PLXDC1: variants seen among roughly 807,000 people sequenced by gnomAD.
PLXDC1 encodes plexin domain-containing protein 1.
Under a neutral mutation model 61.3 loss-of-function variants are expected in PLXDC1, and 39 were observed. The observed-to-expected ratio is 0.64, with a 90% CI of 0.49 to 0.83. The LOEUF (loss-of-function observed/expected upper bound fraction) is 0.83, where lower values mean the gene tolerates loss of function less well. Among genes scored for constraint, PLXDC1 ranks in the 40% least tolerant of loss-of-function variants. PLXDC1 has a pLI of 0.00. For missense variants in PLXDC1, 596 were observed against 666.5 expected, an observed-to-expected ratio of 0.89 and a Z score of 1.17; for synonymous variants, 212 against 254.5, an observed-to-expected ratio of 0.83 and a Z score of 1.59.
chr17:39,104,578 G>T (rs1189963949), intron 7 of PLXDC1, among the ~76,000 whole-genome samples: 2 of 152,184 alleles, frequency 1.3e-5, no homozygotes, highest in African/African-American at 2.4e-5. Flanking sequence ...GAGTTCAGGA[G>T]TTTGAGACAA....
At chr17:39,108,401 G>T in intron 4 of PLXDC1, 156 bp from the exon 5 acceptor site, 1 of 733,920 alleles carries the variant, frequency 1.4e-6, no homozygotes, top group Non-Finnish European at 2.3e-6. Flanking sequence ...TCTGGGTCTG[G>T]TGTGTATGGA....
At chr17:39,134,032 T>A (rs1473135367) in intron 2 of PLXDC1, among the ~76,000 whole-genome samples, 2 of 151,370 alleles carry the variant, frequency 1.3e-5, no homozygotes, top group African/African-American at 4.9e-5. Flanking sequence ...TCAAGGTGGG[T>A]GGATCACGAG....
At chr17:39,101,683 G>T (rs2143620132) in intron 7 of PLXDC1, among the ~76,000 whole-genome samples, 1 of 152,318 alleles carries the variant, frequency 6.6e-6, no homozygotes, top group South Asian at 2.1e-4. Flanking sequence ...TTTGCTCCCA[G>T]AACCATAAGC....
At chr17:39,130,959 AG>A (rs1300246506) in intron 2 of PLXDC1, among the ~76,000 whole-genome samples, 1 of 152,190 alleles carries the variant, frequency 6.6e-6, no homozygotes, top group African/African-American at 2.4e-5. Flanking sequence ...CCAAGGAGAA[AG>A]GAAAATGGCC....
intron 2 of PLXDC1, among the ~76,000 whole-genome samples, chr17:39,116,877 C>T (rs1412298204): frequency 6.6e-6 from 1 of 152,216 alleles, no homozygotes. Context: ...GGAGAAACCT[C>T]GCACCAAGAG....
At chr17:39,140,104 C>T (rs1911887626) in intron 1 of PLXDC1, among the ~76,000 whole-genome samples, 1 of 152,168 alleles carries the variant, frequency 6.6e-6, no homozygotes, top group South Asian at 2.1e-4. Context: ...GAATCAGAGG[C>T]TCAGAGGTTA....
intron 12 of PLXDC1, 98 bp downstream of exon 12, chr17:39,072,352 C>A (rs961497225): frequency 3.6e-6 from 3 of 839,838 alleles, no homozygotes; most frequent in Non-Finnish European, 6.0e-6. Context: ...TCCCTCTCCG[C>A]ACTCATAAAA....
chr17:39,071,395 G>T (rs1277472270), intron 12 of PLXDC1, among the ~76,000 whole-genome samples: 1 of 152,076 alleles, frequency 6.6e-6, no homozygotes, highest in Non-Finnish European at 1.5e-5. Flanking sequence ...GGGAACTAGG[G>T]GTGGCAAGTT....
chr17:39,084,842 G>A lies in PLXDC1; in HGVS notation c.908-1302C>T, dbSNP rs138904682. On this transcript the variant is annotated intron_variant, in intron 8 of 13. Coordinates refer to ENST00000315392, the MANE Select transcript of PLXDC1 (RefSeq NM_020405.5). ...GCAGGGCAGGGGGCGCAGTAGGCAC[G>A]GGGGCTGGATTTAAGAGCTGTTCAC... Among the ~76,000 whole-genome samples, 765 of 152,274 alleles carry A rather than the reference G, an allele frequency of 5.0e-3. 10 individuals carry two copies. Among genetic ancestry groups the A allele is most frequent in the African/African-American group, 0.018 (732 of 41,548 alleles).
At chr17:39,141,093 G>A (rs980807967) in intron 1 of PLXDC1, among the ~76,000 whole-genome samples, 1 of 152,156 alleles carries the variant, frequency 6.6e-6, no homozygotes, top group Non-Finnish European at 1.5e-5. Flanking sequence ...GTAGTGGTGC[G>A]ATCATAGCTC....
chr17:39,079,626 C>A, intron 9 of PLXDC1: 1 of 447,624 alleles, frequency 2.2e-6, no homozygotes, highest in Non-Finnish European at 4.5e-6. Context: ...GACGGTCCTG[C>A]CAGAGAGGCT....
intron 7 of PLXDC1, among the ~76,000 whole-genome samples, chr17:39,103,214 C>CA (rs11299109): frequency 3.0e-3 from 381 of 128,816 alleles, no homozygotes; most frequent in East Asian, 0.016. Flanking sequence ...GACTCCGTCT[C>CA]AAAAAAAAAA....
chr17:39,129,527 G>A (rs911912947), intron 2 of PLXDC1, among the ~76,000 whole-genome samples: 13 of 151,240 alleles, frequency 8.6e-5, no homozygotes, highest in Non-Finnish European at 1.8e-4. Context: ...TTAGGCAGGA[G>A]AATCGTTTGA....
intron 7 of PLXDC1, among the ~76,000 whole-genome samples, chr17:39,098,172 T>C (rs1221412665): frequency 1.9e-4 from 24 of 126,926 alleles, no homozygotes. Context: ...GCCATTGCAC[T>C]CCAGCCTGGG....
upstream of PLXDC1, chr17:39,152,534 C>A: frequency 8.0e-7 from 1 of 1,242,968 alleles, no homozygotes; most frequent in Non-Finnish European, 1.0e-6. Flanking sequence ...CCTCTTCCCT[C>A]CCCTGACCTA....
At chr17:39,092,105 G>A (rs1909977699) in intron 7 of PLXDC1, among the ~76,000 whole-genome samples, 1 of 151,980 alleles carries the variant, frequency 6.6e-6, no homozygotes, top group Non-Finnish European at 1.5e-5. Flanking sequence ...TAGAGACAGG[G>A]TCTCGCTCTG....
At chr17:39,074,124 G>A (rs757360520) in intron 11 of PLXDC1, among the ~76,000 whole-genome samples, 1 of 152,140 alleles carries the variant, frequency 6.6e-6, no homozygotes, top group Non-Finnish European at 1.5e-5. Context: ...CTCCCTGTGT[G>A]GGCTGTAACC....
intron 2 of PLXDC1, among the ~76,000 whole-genome samples, chr17:39,121,324 A>C (rs1445459443): frequency 6.8e-6 from 1 of 146,992 alleles, no homozygotes; most frequent in African/African-American, 2.7e-5. Context: ...TGCTTCCCTA[A>C]AATGTATAAA....
upstream of PLXDC1, chr17:39,152,757 G>T: frequency 1.0e-6 from 1 of 983,542 alleles, no homozygotes; most frequent in Non-Finnish European, 1.3e-6. Flanking sequence ...GACGGATTCC[G>T]TGGCACTGAG....
Sources: gnomAD v4.1 joint callset for allele counts (sites outside exome capture counted in the v4.1 genomes callset) on GRCh38, gnomAD v4.1.1 for gene constraint, MANE v1.5 for transcripts, NCBI Gene and HGNC (gene_info 2026-07-23, HGNC 2026-07-21) for gene names.